Variants in SPAG16 observed in about 807,000 individuals in gnomAD.
SPAG16 encodes the protein sperm-associated antigen 16 protein.
SPAG16 carries 86 observed loss-of-function variants against 80.4 expected under a neutral mutation model. The ratio of observed to expected loss-of-function variants is 1.07; its 90% CI spans 0.90 to 1.28. SPAG16 has a LOEUF of 1.28. Among genes scored for constraint, SPAG16 ranks in the 50% most tolerant of loss-of-function variants. The probability of loss-of-function intolerance (pLI) is 0.00; values close to 1 mark genes in which losing one functional copy is unlikely to be tolerated. For missense variants in SPAG16, 870 were observed against 765.3 expected, an observed-to-expected ratio of 1.14 and a Z score of -1.61; for synonymous variants, 294 against 265.9, an observed-to-expected ratio of 1.11 and a Z score of -1.03.
chr2:213,672,746 C>T (rs1273159584), intron 10 of SPAG16, among the ~76,000 whole-genome samples: 2 of 151,924 alleles, frequency 1.3e-5, no homozygotes, highest in Non-Finnish European at 2.9e-5. Flanking sequence ...AAAATTAAAG[C>T]ATCACATTGG....
chr2:213,949,179 T>TTTTTTTTTTG (rs1553677667), intron 12 of SPAG16, among the ~76,000 whole-genome samples: 3 of 36,242 alleles, frequency 8.3e-5, no homozygotes, highest in Non-Finnish European at 1.1e-4. Flanking sequence ...GTTTTTTTTT[T>TTTTTTTTTTG]TTTTTTTTTT....
At chr2:213,706,849 G>A (rs1282915604) in intron 10 of SPAG16, among the ~76,000 whole-genome samples, 1 of 152,140 alleles carries the variant, frequency 6.6e-6, no homozygotes, top group African/African-American at 2.4e-5. Context: ...TATATTTGAA[G>A]GCTTGACTGA....
In SPAG16 at chr2:214,033,662, T is replaced by A. The variant is rs2048536640; in HGVS notation, c.1527+19585T>A. Reference sequence around the variant, plus strand: ...ACACAACAGACACTTCACCCAGATTTCCCAAGTGTTAACATTTTACTATTT... The same window carrying A: ...ACACAACAGACACTTCACCCAGATTACCCAAGTGTTAACATTTTACTATTT... On this transcript the variant is annotated intron_variant, in intron 13 of 15. Coordinates refer to ENST00000331683, the MANE Select transcript of SPAG16 (RefSeq NM_024532.5). Among the ~76,000 whole-genome samples, 3 of 149,204 alleles carry A rather than the reference T, an allele frequency of 2.0e-5. No homozygotes were observed. In the South Asian group the frequency reaches 6.3e-4, roughly 32 times the overall value.
chr2:213,884,830 G>A (rs1200871602), intron 11 of SPAG16, among the ~76,000 whole-genome samples: 2 of 152,154 alleles, frequency 1.3e-5, no homozygotes, highest in Non-Finnish European at 2.9e-5. Context: ...GAATTTTTCA[G>A]CTTTAGAAGT....
At chr2:213,941,371 T>C (rs918890061) in intron 12 of SPAG16, among the ~76,000 whole-genome samples, 16 of 152,160 alleles carry the variant, frequency 1.1e-4, no homozygotes, top group Non-Finnish European at 5.9e-5. Flanking sequence ...GTTAAGCATG[T>C]AGACGCTATC....
chr2:213,636,932 G>C (rs1481589498), intron 10 of SPAG16, among the ~76,000 whole-genome samples: 2 of 152,122 alleles, frequency 1.3e-5, no homozygotes, highest in African/African-American at 4.8e-5. Flanking sequence ...TTATCAATTT[G>C]GTTGCCCTTT....
chr2:213,390,295 G>C (rs557067130), intron 9 of SPAG16, among the ~76,000 whole-genome samples: 1 of 152,240 alleles, frequency 6.6e-6, no homozygotes, highest in Admixed American at 6.5e-5. Context: ...AAGAATTCTA[G>C]GAGATGGGTG....
intron 9 of SPAG16, among the ~76,000 whole-genome samples, chr2:213,382,806 A>G (rs1177870185): frequency 6.6e-6 from 1 of 152,166 alleles, no homozygotes; most frequent in African/African-American, 2.4e-5. Flanking sequence ...TTAGCAATAT[A>G]GTGGAATATA....
At chr2:213,610,098 G>C (rs2061395245) in intron 10 of SPAG16, among the ~76,000 whole-genome samples, 1 of 151,430 alleles carries the variant, frequency 6.6e-6, no homozygotes, top group Admixed American at 6.6e-5. Flanking sequence ...AAAGTTATTG[G>C]CTGATTTTTT....
intron 10 of SPAG16, among the ~76,000 whole-genome samples, chr2:213,729,851 A>G (rs1834776): frequency 0.92 from 140,684 of 152,184 alleles, 66,076 homozygotes; most frequent in East Asian, 1. Flanking sequence ...TGGTGAGAAC[A>G]GACTAACATC....
At chr2:213,608,169 AT>A (rs112108920) in intron 10 of SPAG16, among the ~76,000 whole-genome samples, 111 of 152,068 alleles carry the variant, frequency 7.3e-4, no homozygotes, top group Middle Eastern at 3.4e-3. Context: ...TATACTTTCC[AT>A]TTTTTATTCT....
chr2:214,207,846 T>C (rs2058187308), intron 15 of SPAG16, among the ~76,000 whole-genome samples: 1 of 152,184 alleles, frequency 6.6e-6, no homozygotes, highest in African/African-American at 2.4e-5. Flanking sequence ...CTTCCATCTT[T>C]CTCCTGTCCT....
At chr2:213,648,404 T>G (rs1007932232) in intron 10 of SPAG16, among the ~76,000 whole-genome samples, 19 of 152,314 alleles carry the variant, frequency 1.2e-4, no homozygotes, top group South Asian at 2.1e-4. Flanking sequence ...TCTGCCACAC[T>G]AACCTCAAAC....
At chr2:214,405,826 T>G (rs1216917983) in intron 15 of SPAG16, among the ~76,000 whole-genome samples, 1 of 152,028 alleles carries the variant, frequency 6.6e-6, no homozygotes, top group Non-Finnish European at 1.5e-5. Context: ...AAAATCCCAA[T>G]TCAACCTTCT....
chr2:213,939,702 T>C (rs940676964), intron 12 of SPAG16, among the ~76,000 whole-genome samples: 9 of 152,218 alleles, frequency 5.9e-5, no homozygotes, highest in Non-Finnish European at 8.8e-5. Flanking sequence ...TATTTCAGTT[T>C]ATTTTGGGGT....
At chr2:214,399,867 A>G (rs892856052) in intron 15 of SPAG16, among the ~76,000 whole-genome samples, 4 of 152,046 alleles carry the variant, frequency 2.6e-5, no homozygotes, top group African/African-American at 9.7e-5. Context: ...TATCAGCAAA[A>G]GCTTTTCTGA....
At chr2:213,791,914 C>G (rs910451183) in intron 10 of SPAG16, among the ~76,000 whole-genome samples, 1 of 152,098 alleles carries the variant, frequency 6.6e-6, no homozygotes, top group African/African-American at 2.4e-5. Flanking sequence ...ATTATGTCAT[C>G]CTGTATTGAA....
At chr2:214,016,047 T>A (rs1312088769) in intron 13 of SPAG16, among the ~76,000 whole-genome samples, 1 of 152,112 alleles carries the variant, frequency 6.6e-6, no homozygotes, top group African/African-American at 2.4e-5. Context: ...TTTTCCAATT[T>A]GTCTAGGAAT....
intron 10 of SPAG16, among the ~76,000 whole-genome samples, chr2:213,762,497 A>C (rs1049813046): frequency 6.6e-6 from 1 of 152,210 alleles, no homozygotes; most frequent in African/African-American, 2.4e-5. Flanking sequence ...CACATATGCA[A>C]TCAAATTATC....
Sources: allele counts gnomAD v4.1 joint callset (sites outside exome capture counted in the v4.1 genomes callset), GRCh38; gene constraint gnomAD v4.1.1; transcripts MANE v1.5; gene names NCBI Gene and HGNC (gene_info 2026-07-23, HGNC 2026-07-21).